The following MYO5B variants were observed in gnomAD, a reference collection of about 807,000 sequenced individuals.
MYO5B encodes myosin VB.
A neutral mutation model predicts 229.3 loss-of-function variants in MYO5B; 143 were observed. The ratio of observed to expected loss-of-function variants is 0.62; its 90% confidence interval spans 0.54 to 0.72. The LOEUF is 0.72. Among genes scored for constraint, MYO5B ranks in the 30% least tolerant of loss-of-function variants. The pLI, the probability that MYO5B is intolerant of heterozygous loss-of-function variation, is 0.00. For synonymous variants in MYO5B, 918 were observed against 885.2 expected (o/e 1.04, Z -0.66); for missense variants, 2,321 against 2,331.0 (o/e 1.00, Z 0.09).
chr18:50,083,867 C>A (rs2031272285), intron 1 of MYO5B, among the ~76,000 whole-genome samples: 1 of 152,114 alleles, frequency 6.6e-6, no homozygotes, highest in Non-Finnish European at 1.5e-5. Flanking sequence ...CCCAGTCCAC[C>A]CCAAGGAAGG....
chr18:49,894,683 A>G (rs932788222), intron 22 of MYO5B, among the ~76,000 whole-genome samples: 3 of 152,218 alleles, frequency 2.0e-5, no homozygotes, highest in Non-Finnish European at 4.4e-5. Flanking sequence ...CATAAAAACA[A>G]TGCTCACAGG....
chr18:49,936,392 G>A (rs865849244), intron 15 of MYO5B, 43 bp from the exon 16 acceptor site: 22 of 1,395,730 alleles, frequency 1.6e-5, no homozygotes, highest in East Asian at 4.9e-5. Context: ...TTAACAAGTC[G>A]TGGATGTGTG....
chr18:50,112,295 TGCATCACG>T (rs2144518692), intron 1 of MYO5B, among the ~76,000 whole-genome samples: 1 of 152,310 alleles, frequency 6.6e-6, no homozygotes, highest in Non-Finnish European at 1.5e-5. Context: ...ACAAAGCAAC[TGCATCACG>T]GCTCCAAGGG....
At chr18:50,120,324 T>C (rs374347155) in intron 1 of MYO5B, among the ~76,000 whole-genome samples, 19 of 152,286 alleles carry the variant, frequency 1.2e-4, no homozygotes, top group African/African-American at 4.6e-4. Flanking sequence ...CCCAGAGCCA[T>C]AGGTTTCTAG....
chr18:49,859,382 T>C (rs488042), intron 29 of MYO5B, among the ~76,000 whole-genome samples: 127,958 of 152,238 alleles, frequency 0.84, 53,843 homozygotes, highest in East Asian at 0.96. Context: ...CTATCAACCA[T>C]GGCCCCGCCA....
intron 14 of MYO5B, among the ~76,000 whole-genome samples, chr18:49,950,274 C>G (rs191933582): frequency 6.6e-6 from 1 of 152,124 alleles, no homozygotes; most frequent in African/African-American, 2.4e-5. Context: ...GACGTTTTAG[C>G]TGGTGAGGGG....
chr18:49,854,573 G>A (rs1011015714), intron 30 of MYO5B, among the ~76,000 whole-genome samples: 66 of 152,208 alleles, frequency 4.3e-4, no homozygotes, highest in African/African-American at 1.5e-3. Flanking sequence ...GAAAGCTAGG[G>A]TGCTGGGGGA....
intron 14 of MYO5B, among the ~76,000 whole-genome samples, chr18:49,942,518 G>A (rs2025328297): frequency 6.6e-6 from 1 of 150,708 alleles, no homozygotes; most frequent in Admixed American, 6.6e-5. Flanking sequence ...AAATTTACAA[G>A]AAAAAAACAA....
intron 1 of MYO5B, among the ~76,000 whole-genome samples, chr18:50,128,642 G>C (rs2032205761): frequency 6.6e-6 from 1 of 152,196 alleles, no homozygotes. Context: ...TCGGAGAGCA[G>C]TTCTGCACCC....
chr18:49,835,874 C>A (rs1262362623), intron 38 of MYO5B, among the ~76,000 whole-genome samples: 1 of 152,214 alleles, frequency 6.6e-6, no homozygotes, highest in African/African-American at 2.4e-5. Context: ...AGGAGATACT[C>A]TTTTGTCTGC....
chr18:49,965,885 C>T lies in MYO5B; in HGVS notation c.1323-2855G>A, dbSNP rs184003523. ...AATGGGAAAGGGCCAGTAATACCAA[C>T]GAGGTAATAGCGATGGACACAGGCT... On this transcript the variant is annotated intron_variant, in intron 10 of 39. Coordinates refer to ENST00000285039, the MANE Select transcript of MYO5B (RefSeq NM_001080467.3). 4.9e-3 allele frequency among the ~76,000 whole-genome samples: 741 copies of T among 152,286 alleles called. 4 individuals carry two copies. The highest frequency in any genetic ancestry group is 0.017 in the African/African-American group (720 of 41,562).
At chr18:50,034,505 A>G (rs1333856686) in intron 4 of MYO5B, among the ~76,000 whole-genome samples, 2 of 152,186 alleles carry the variant, frequency 1.3e-5, no homozygotes, top group African/African-American at 4.8e-5. Context: ...ACATTTTGAG[A>G]GGCAGAGGCG....
In MYO5B at chr18:49,863,190, C is replaced by T. The variant is rs551044492; in HGVS notation, c.3944+37G>A. On this transcript the variant is annotated intron_variant, in intron 29 of 39. Coordinates refer to ENST00000285039, the MANE Select transcript of MYO5B (RefSeq NM_001080467.3). ...CTCGTTTGGGCAGGGCCCTTCTCCG[C>T]GGCCTCGTCCAGCACATTTGACCGC... The T allele has an allele frequency of 1.4e-4, 218 of 1,542,292 alleles. 1 individual carries two copies. The South Asian group carries it at 2.1e-3, about 15-fold the overall frequency.
chr18:50,071,428 G>A (rs138152928), intron 1 of MYO5B, among the ~76,000 whole-genome samples: 26 of 152,310 alleles, frequency 1.7e-4, no homozygotes, highest in African/African-American at 5.5e-4. Context: ...GCAAAGCACT[G>A]AAGCAGATGC....
intron 31 of MYO5B, chr18:49,850,065 G>A (rs2024180558): frequency 6.2e-6 from 2 of 323,040 alleles, no homozygotes; most frequent in South Asian, 2.8e-5. Context: ...GGGCAGGGAG[G>A]TTGGAAGAGC....
chr18:49,853,796 A>G lies in MYO5B; in HGVS notation c.4023-149T>C, dbSNP rs942845772. On this transcript the variant is annotated intron_variant, in intron 30 of 39. Coordinates refer to ENST00000285039, the MANE Select transcript of MYO5B (RefSeq NM_001080467.3). ...GAGGGATGAATGCAGCAGGAGACAG[A>G]TGCCATGGGGACCACAAGGCAAGCA... 4 of 757,352 alleles carry G rather than the reference A, an allele frequency of 5.3e-6. No homozygotes were observed. In the East Asian group the frequency reaches 8.1e-5, roughly 15 times the overall value. The allele number at this position is 757,352 out of a possible 1,614,324, so 46.9% of individuals were successfully genotyped here.
At chr18:49,871,690 T>TA (rs1295498403) in intron 27 of MYO5B, 1 of 242,410 alleles carries the variant, frequency 4.1e-6, no homozygotes, top group African/African-American at 2.2e-5. Flanking sequence ...TGTAGTCCTG[T>TA]AAGTGACTGG....
intron 17 of MYO5B, among the ~76,000 whole-genome samples, chr18:49,922,639 T>C (rs536993773): frequency 6.6e-6 from 1 of 152,172 alleles, no homozygotes; most frequent in South Asian, 2.1e-4. Context: ...CTTGCTAAGA[T>C]GGCAAATGCC....
At chr18:50,097,787 A>T (rs1262571279) in intron 1 of MYO5B, among the ~76,000 whole-genome samples, 1 of 152,218 alleles carries the variant, frequency 6.6e-6, no homozygotes, top group Non-Finnish European at 1.5e-5. Context: ...CTGACTGCCC[A>T]TGAAGCAGCC....
Sources: gnomAD v4.1 joint callset for allele counts (sites outside exome capture counted in the v4.1 genomes callset) on GRCh38, gnomAD v4.1.1 for gene constraint, MANE v1.5 for transcripts, NCBI Gene and HGNC (gene_info 2026-07-23, HGNC 2026-07-21) for gene names.